The following PBX1 variants were observed in gnomAD, a reference collection of about 807,000 sequenced individuals.
The protein encoded by PBX1 is pre-B-cell leukemia transcription factor 1.
PBX1 carries 6 observed loss-of-function variants against 53.4 expected under a neutral mutation model. The observed-to-expected ratio is 0.11, with a 90% CI of 0.06 to 0.22. PBX1 has a LOEUF of 0.22. Among genes scored for constraint, PBX1 ranks in the 10% least tolerant of loss-of-function variants. The pLI, the probability that PBX1 is intolerant of heterozygous loss-of-function variation, is 1.00. For missense variants in PBX1, 251 were observed against 551.4 expected, an observed-to-expected ratio of 0.46 and a Z score of 5.46; for synonymous variants, 204 against 212.3, an observed-to-expected ratio of 0.96 and a Z score of 0.34.
At chr1:164,754,518 G>A (rs1170620602) in intron 2 of PBX1, among the ~76,000 whole-genome samples, 4 of 152,160 alleles carry the variant, frequency 2.6e-5, no homozygotes, top group African/African-American at 9.7e-5. Context: ...GTTTCAACAC[G>A]TAAAACTGGC....
intron 2 of PBX1, among the ~76,000 whole-genome samples, chr1:164,734,105 GAC>G (rs1264261465): frequency 3.9e-5 from 6 of 152,106 alleles, no homozygotes; most frequent in Non-Finnish European, 7.4e-5. Context: ...GATTTTAATG[GAC>G]ATTTGAATGC....
At chr1:164,727,291 G>T (rs941108859) in intron 2 of PBX1, among the ~76,000 whole-genome samples, 1 of 152,122 alleles carries the variant, frequency 6.6e-6, no homozygotes, top group Non-Finnish European at 1.5e-5. Context: ...TGTTGTTTTT[G>T]ATTGTAAGAT....
intron 2 of PBX1, among the ~76,000 whole-genome samples, chr1:164,754,749 T>C (rs1402595403): frequency 6.6e-6 from 1 of 152,198 alleles, no homozygotes; most frequent in Non-Finnish European, 1.5e-5. Flanking sequence ...GGGCATGATA[T>C]GCTTCGTGAT....
intron 2 of PBX1, among the ~76,000 whole-genome samples, chr1:164,569,693 C>T (rs967904925): frequency 2.0e-5 from 3 of 150,552 alleles, no homozygotes; most frequent in Non-Finnish European, 4.4e-5. Context: ...GCCTCAGCCT[C>T]CTGAGTAGCT....
At chr1:164,854,609 C>T (rs549957259), downstream of PBX1, among the ~76,000 whole-genome samples, 3 of 152,146 alleles carry the variant, frequency 2.0e-5, no homozygotes, top group East Asian at 1.9e-4. Flanking sequence ...TGCTGACCAC[C>T]GAGGCCAGTG....
intron 2 of PBX1, among the ~76,000 whole-genome samples, chr1:164,690,240 G>A (rs910350045): frequency 1.3e-5 from 2 of 152,070 alleles, no homozygotes; most frequent in African/African-American, 4.8e-5. Flanking sequence ...GGAGAGGGAG[G>A]GGCCTGTGGA....
At chr1:164,621,149 C>T (rs1215352610) in intron 2 of PBX1, among the ~76,000 whole-genome samples, 5 of 152,018 alleles carry the variant, frequency 3.3e-5, no homozygotes, top group African/African-American at 1.2e-4. Context: ...ACACCATGCC[C>T]AGCTAATTTT....
At chr1:164,710,611 A>G (rs1663701081) in intron 2 of PBX1, among the ~76,000 whole-genome samples, 1 of 152,032 alleles carries the variant, frequency 6.6e-6, no homozygotes, top group Admixed American at 6.5e-5. Flanking sequence ...GGGTTTCTCC[A>G]TGTTGGTCAG....
intron 2 of PBX1, among the ~76,000 whole-genome samples, chr1:164,790,486 G>C (rs1174040651): frequency 6.6e-6 from 1 of 152,122 alleles, no homozygotes; most frequent in Non-Finnish European, 1.5e-5. Flanking sequence ...TTTGCGTCTA[G>C]GGTGCAGGCT....
chr1:164,790,055 T>A (rs533545866), intron 2 of PBX1, among the ~76,000 whole-genome samples: 2 of 150,556 alleles, frequency 1.3e-5, no homozygotes, highest in Non-Finnish European at 3.0e-5. Context: ...AACAACCACA[T>A]AGAGGTGAAG....
At chr1:164,588,473 C>CTTTTTTTTTTTTTTTTTT (rs371768861) in intron 2 of PBX1, among the ~76,000 whole-genome samples, 1 of 73,048 alleles carries the variant, frequency 1.4e-5, no homozygotes, top group East Asian at 5.7e-4. Flanking sequence ...CCGGACTAAG[C>CTTTTTTTTTTTTTTTTTT]TTTTTTTTTT....
At chr1:164,665,489 G>A (rs1324602755) in intron 2 of PBX1, among the ~76,000 whole-genome samples, 1 of 152,150 alleles carries the variant, frequency 6.6e-6, no homozygotes, top group Non-Finnish European at 1.5e-5. Flanking sequence ...GTTTCACCAT[G>A]TTGGCCAGGC....
At chr1:164,731,469 C>T (rs1187774709) in intron 2 of PBX1, among the ~76,000 whole-genome samples, 1 of 152,138 alleles carries the variant, frequency 6.6e-6, no homozygotes, top group Non-Finnish European at 1.5e-5. Flanking sequence ...TGAAGGGACT[C>T]CCTCATATTG....
At chr1:164,822,768 T>C (rs1306618374) in intron 8 of PBX1, among the ~76,000 whole-genome samples, 1 of 152,200 alleles carries the variant, frequency 6.6e-6, no homozygotes, top group Non-Finnish European at 1.5e-5. Flanking sequence ...TCATCATGAA[T>C]GATCTAAAGG....
intron 2 of PBX1, among the ~76,000 whole-genome samples, chr1:164,677,488 G>A (rs974678653): frequency 1.3e-5 from 2 of 152,118 alleles, no homozygotes; most frequent in African/African-American, 4.8e-5. Context: ...ACTGATCTCT[G>A]CCTTAGGGGA....
intron 2 of PBX1, among the ~76,000 whole-genome samples, chr1:164,867,850 A>G (rs1259176854): frequency 6.6e-6 from 1 of 152,250 alleles, no homozygotes; most frequent in African/African-American, 2.4e-5. Context: ...CAGCTTTTGC[A>G]GGAAATTAAC....
intron 2 of PBX1, among the ~76,000 whole-genome samples, chr1:164,614,813 G>A (rs1472671307): frequency 4.6e-5 from 7 of 152,084 alleles, no homozygotes; most frequent in South Asian, 2.1e-4. Context: ...TCACTCTGCC[G>A]CCCAGGCTAT....
intron 2 of PBX1, among the ~76,000 whole-genome samples, chr1:164,733,998 A>C (rs7532552): frequency 6.6e-6 from 1 of 151,982 alleles, no homozygotes; most frequent in African/African-American, 2.4e-5. Flanking sequence ...TGGCGTATGC[A>C]TGCACATATT....
At chr1:164,871,723 G>C (rs2102455304) in intron 2 of PBX1, among the ~76,000 whole-genome samples, 1 of 152,282 alleles carries the variant, frequency 6.6e-6, no homozygotes, top group South Asian at 2.1e-4. Context: ...TACCCAAAGA[G>C]TGGTGAAGGT....
Sources: gnomAD v4.1 joint callset for allele counts (sites outside exome capture counted in the v4.1 genomes callset) on GRCh38, gnomAD v4.1.1 for gene constraint, MANE v1.5 for transcripts, NCBI Gene and HGNC (gene_info 2026-07-23, HGNC 2026-07-21) for gene names.